Variants in NUMB observed in about 807,000 individuals in gnomAD.
The protein encoded by NUMB is NUMB endocytic adaptor protein.
A neutral mutation model predicts 59.7 loss-of-function variants in NUMB; 29 were observed. That is an observed-to-expected ratio of 0.49 (90% confidence interval 0.36 to 0.66). The LOEUF (loss-of-function observed/expected upper bound fraction) is 0.66, where lower values mean the gene tolerates loss of function less well. Ranked by LOEUF, NUMB falls within the 30% of genes least tolerant of loss-of-function variation. The probability of loss-of-function intolerance (pLI) is 0.00; values close to 1 mark genes in which losing one functional copy is unlikely to be tolerated. For synonymous variants in NUMB, 288 were observed against 288.2 expected (o/e 1.00, Z 0.01); for missense variants, 723 against 822.0 (o/e 0.88, Z 1.47).
intron 4 of NUMB, among the ~76,000 whole-genome samples, chr14:73,346,471 ACT>A (rs1015395924): frequency 6.8e-6 from 1 of 146,720 alleles, no homozygotes; most frequent in African/African-American, 2.6e-5. Context: ...CAAGAGTGAA[ACT>A]CTGTCTCAAA....
At chr14:73,347,449 T>G (rs1383920206) in intron 4 of NUMB, among the ~76,000 whole-genome samples, 1 of 150,134 alleles carries the variant, frequency 6.7e-6, no homozygotes, top group Non-Finnish European at 1.5e-5. Flanking sequence ...AATTCTTCCC[T>G]TCCACCACTC....
intron 6 of NUMB, among the ~76,000 whole-genome samples, chr14:73,315,277 G>A (rs1031541750): frequency 4.6e-5 from 7 of 151,948 alleles, no homozygotes; most frequent in African/African-American, 1.5e-4. Flanking sequence ...AAAATTGTAG[G>A]ATTTTGTTAA....
At chr14:73,331,531 G>A (rs1465272665) in intron 4 of NUMB, among the ~76,000 whole-genome samples, 1 of 152,106 alleles carries the variant, frequency 6.6e-6, no homozygotes, top group African/African-American at 2.4e-5. Flanking sequence ...CTGGGCAACA[G>A]AGCAAGACTC....
chr14:73,436,943 C>A (rs572993149), intron 1 of NUMB, among the ~76,000 whole-genome samples: 86 of 151,222 alleles, frequency 5.7e-4, no homozygotes, highest in African/African-American at 2.0e-3. Flanking sequence ...CGTATCACTG[C>A]ACTCCAGCCT....
At chr14:73,345,335 G>A (rs1055131315) in intron 4 of NUMB, among the ~76,000 whole-genome samples, 7 of 152,044 alleles carry the variant, frequency 4.6e-5, no homozygotes, top group African/African-American at 1.4e-4. Context: ...AACAGACTCC[G>A]GAGCCTACTT....
chr14:73,454,173 C>G (rs2140215388), intron 1 of NUMB, among the ~76,000 whole-genome samples: 1 of 151,796 alleles, frequency 6.6e-6, no homozygotes, highest in South Asian at 2.1e-4. Context: ...ATATAACCAA[C>G]CTGCATATGT....
chr14:73,406,032 A>G (rs1896647115), intron 2 of NUMB, among the ~76,000 whole-genome samples: 1 of 152,164 alleles, frequency 6.6e-6, no homozygotes, highest in Non-Finnish European at 1.5e-5. Context: ...ATGGAACCAC[A>G]ACCCACAGAA....
chr14:73,337,908 C>T (rs1030855979), intron 4 of NUMB, among the ~76,000 whole-genome samples: 2 of 152,118 alleles, frequency 1.3e-5, no homozygotes, highest in Non-Finnish European at 2.9e-5. Context: ...ATTTCATCCC[C>T]CATTCACAAA....
intron 1 of NUMB, among the ~76,000 whole-genome samples, chr14:73,441,403 C>T (rs1883055324): frequency 6.6e-6 from 1 of 151,934 alleles, no homozygotes; most frequent in African/African-American, 2.4e-5. Context: ...CGAAAATTAG[C>T]CTGGCATGGT....
At chr14:73,326,623 G>A (rs552389023) in intron 4 of NUMB, among the ~76,000 whole-genome samples, 3 of 150,342 alleles carry the variant, frequency 2.0e-5, no homozygotes, top group African/African-American at 7.3e-5. Flanking sequence ...GAGAAACTTT[G>A]TCTCAAAAAA....
At chr14:73,355,578 T>C (rs1218757545) in intron 4 of NUMB, 48 bp downstream of exon 4, 3 of 1,551,334 alleles carry the variant, frequency 1.9e-6, no homozygotes, top group South Asian at 2.5e-5. Context: ...ATACACTAGA[T>C]TGTCAGTTCT....
At chr14:73,456,897 C>A (rs1006790823) in intron 1 of NUMB, among the ~76,000 whole-genome samples, 4 of 152,182 alleles carry the variant, frequency 2.6e-5, no homozygotes, top group African/African-American at 9.7e-5. Context: ...ACCAAGCCCT[C>A]CAGGTGATTT....
At chr14:73,373,242 CT>C (rs2140060958) in intron 2 of NUMB, among the ~76,000 whole-genome samples, 1 of 152,270 alleles carries the variant, frequency 6.6e-6, no homozygotes, top group South Asian at 2.1e-4. Flanking sequence ...TGGGTGAACC[CT>C]ATTTCAGCAA....
At chr14:73,418,972 T>C (rs1037809467) in intron 1 of NUMB, among the ~76,000 whole-genome samples, 3 of 152,202 alleles carry the variant, frequency 2.0e-5, no homozygotes, top group African/African-American at 7.2e-5. Context: ...GTCACCCTTA[T>C]AGTTCAAAGC....
chr14:73,404,767 CTT>C (rs112257193), intron 2 of NUMB, among the ~76,000 whole-genome samples: 7 of 144,738 alleles, frequency 4.8e-5, no homozygotes, highest in Non-Finnish European at 3.1e-5. Flanking sequence ...AAATGATTTT[CTT>C]TTTTTTTTTT....
intron 1 of NUMB, among the ~76,000 whole-genome samples, chr14:73,440,620 C>T (rs72736372): frequency 0.16 from 23,701 of 151,146 alleles, 2,677 homozygotes; most frequent in Non-Finnish European, 0.23. Flanking sequence ...CTGAGGCGGG[C>T]GGATCACGAG....
chr14:73,439,804 TCTTC>T (rs1470011833), intron 1 of NUMB, among the ~76,000 whole-genome samples: 1 of 152,182 alleles, frequency 6.6e-6, no homozygotes, highest in East Asian at 1.9e-4. Flanking sequence ...ATGAATCTTT[TCTTC>T]CTTTAAGTCA....
chr14:73,386,583 C>T (rs1255692022), intron 2 of NUMB, among the ~76,000 whole-genome samples: 4 of 152,110 alleles, frequency 2.6e-5, no homozygotes, highest in African/African-American at 9.7e-5. Flanking sequence ...AGAAAAAAGG[C>T]TTTGAATAAC....
At chr14:73,351,932 C>T (rs557433152) in intron 4 of NUMB, among the ~76,000 whole-genome samples, 7 of 151,368 alleles carry the variant, frequency 4.6e-5, no homozygotes, top group East Asian at 3.9e-4. Context: ...GCCGAGATGG[C>T]GCCACTGCAC....
Sources: gnomAD v4.1 joint callset for allele counts (sites outside exome capture counted in the v4.1 genomes callset) on GRCh38, gnomAD v4.1.1 for gene constraint, MANE v1.5 for transcripts, NCBI Gene and HGNC (gene_info 2026-07-23, HGNC 2026-07-21) for gene names.